The following CRADD variants were observed in gnomAD, a reference collection of about 807,000 sequenced individuals.
CRADD encodes CARD and death domain containing adaptor protein.
Under a neutral mutation model 15.5 loss-of-function variants are expected in CRADD, and 9 were observed. The ratio of observed to expected loss-of-function variants is 0.58; its 90% CI spans 0.35 to 1.01. The LOEUF (loss-of-function observed/expected upper bound fraction) is 1.01, where lower values mean the gene tolerates loss of function less well. Among genes scored for constraint, CRADD ranks in the 50% least tolerant of loss-of-function variants. The probability of loss-of-function intolerance (pLI) is 0.02; values close to 1 mark genes in which losing one functional copy is unlikely to be tolerated. For synonymous variants in CRADD, 118 were observed against 107.6 expected (o/e 1.10, Z -0.60); for missense variants, 227 against 250.3 (o/e 0.91, Z 0.63).
At chr12:93,785,718 T>C (rs536926618) in intron 2 of CRADD, among the ~76,000 whole-genome samples, 1 of 152,290 alleles carries the variant, frequency 6.6e-6, no homozygotes, top group Admixed American at 6.5e-5. Context: ...GGAAGAATGG[T>C]GTTACCCTAC....
intron 2 of CRADD, among the ~76,000 whole-genome samples, chr12:93,838,498 C>T (rs1348203457): frequency 6.6e-6 from 1 of 151,590 alleles, no homozygotes; most frequent in Non-Finnish European, 1.5e-5. Context: ...GACTCTTGAC[C>T]TTCCCTCTCT....
intron 2 of CRADD, among the ~76,000 whole-genome samples, chr12:93,717,286 T>C (rs767829461): frequency 1.3e-5 from 2 of 152,216 alleles, no homozygotes; most frequent in Non-Finnish European, 1.5e-5. Context: ...CTTTATCATA[T>C]GTGTCCTCTG....
intron 2 of CRADD, among the ~76,000 whole-genome samples, chr12:93,768,454 G>T (rs1292518865): frequency 6.7e-6 from 1 of 150,196 alleles, no homozygotes; most frequent in Non-Finnish European, 1.5e-5. Context: ...AGTCCTCAGT[G>T]TTAAAGTTAA....
chr12:93,734,242 C>T (rs1956523971), intron 2 of CRADD, among the ~76,000 whole-genome samples: 1 of 152,104 alleles, frequency 6.6e-6, no homozygotes, highest in Non-Finnish European at 1.5e-5. Flanking sequence ...AGTCAAAGTC[C>T]CTTCCCTCAA....
chr12:93,729,646 G>A (rs146691920), intron 2 of CRADD, among the ~76,000 whole-genome samples: 6 of 152,120 alleles, frequency 3.9e-5, no homozygotes, highest in Admixed American at 1.3e-4. Flanking sequence ...TTACCCTGGC[G>A]TGGTGGTGCA....
chr12:93,679,039 G>T lies in CRADD; in HGVS notation c.265G>T (p.Ala89Ser). 6.2e-7 allele frequency: 1 copy of T among 1,614,100 alleles called. No individual in the cohort carries two copies. The change falls in exon 2 of 3, where the codon GCA becomes TCA. Residue 89 changes from alanine to serine, a missense_variant. Ala to Ser is a moderately conservative substitution (Grantham distance 99). Coordinates refer to ENST00000332896, the MANE Select transcript of CRADD (RefSeq NM_003805.5). Reference sequence around the variant, plus strand: ...CTGGGTCAGGGAGAAGCTGAAGAAGGCAAGGGAAGAGGCCATGACCGACCT... The same window carrying T: ...CTGGGTCAGGGAGAAGCTGAAGAAGTCAAGGGAAGAGGCCATGACCGACCT... ...FPWVREKLKK[A>S]REEAMTDLPA...
intron 2 of CRADD, among the ~76,000 whole-genome samples, chr12:93,785,902 G>A (rs766224669): frequency 2.9e-4 from 44 of 152,174 alleles, no homozygotes; most frequent in Non-Finnish European, 4.6e-4. Flanking sequence ...CTCAGTGATT[G>A]TATCTTACTT....
chr12:93,806,412 A>G (rs942335451), intron 2 of CRADD, among the ~76,000 whole-genome samples: 6 of 137,624 alleles, frequency 4.4e-5, no homozygotes, highest in Admixed American at 1.7e-4. Context: ...AGACTGTGCC[A>G]CTGTACTCTG....
At chr12:93,883,594 G>T (rs952280212) in intron 2 of CRADD, among the ~76,000 whole-genome samples, 1 of 152,046 alleles carries the variant, frequency 6.6e-6, no homozygotes, top group Non-Finnish European at 1.5e-5. Context: ...AAGGTGGGAG[G>T]ATCACTTGAG....
intron 2 of CRADD, among the ~76,000 whole-genome samples, chr12:93,823,520 C>T (rs1351552540): frequency 1.3e-5 from 2 of 152,178 alleles, no homozygotes; most frequent in Non-Finnish European, 2.9e-5. Context: ...TTGGTTGGAT[C>T]AACAGGGTAG....
intron 2 of CRADD, among the ~76,000 whole-genome samples, chr12:93,756,926 C>T (rs1956897298): frequency 6.6e-6 from 1 of 152,146 alleles, no homozygotes; most frequent in Admixed American, 6.5e-5. Flanking sequence ...AGGCTGAACC[C>T]GCCACTGACA....
chr12:93,704,817 C>T (rs907364674), intron 2 of CRADD, among the ~76,000 whole-genome samples: 9 of 152,202 alleles, frequency 5.9e-5, no homozygotes, highest in African/African-American at 2.2e-4. Flanking sequence ...CACAGGCCTC[C>T]TCTGTCACTC....
chr12:93,796,760 C>G (rs1013793045), intron 2 of CRADD, among the ~76,000 whole-genome samples: 6 of 152,100 alleles, frequency 3.9e-5, no homozygotes, highest in African/African-American at 1.4e-4. Flanking sequence ...TTTTCTAAGA[C>G]CCCATGGTTA....
chr12:93,817,947 C>T (rs1182231329), intron 2 of CRADD, among the ~76,000 whole-genome samples: 6 of 152,162 alleles, frequency 3.9e-5, no homozygotes, highest in African/African-American at 1.4e-4. Context: ...AGGCTGCTGG[C>T]CGTGCAGCGG....
chr12:93,742,489 G>T (rs1423191847), intron 2 of CRADD, among the ~76,000 whole-genome samples: 1 of 148,398 alleles, frequency 6.7e-6, no homozygotes, highest in Non-Finnish European at 1.5e-5. Flanking sequence ...CGGGGAGGCG[G>T]CGCCGACTGC....
intron 2 of CRADD, among the ~76,000 whole-genome samples, chr12:93,739,176 C>G (rs148633379): frequency 6.6e-6 from 1 of 152,098 alleles, no homozygotes; most frequent in Non-Finnish European, 1.5e-5. Context: ...ATGGGATGGG[C>G]ACCAGCCCTG....
intron 2 of CRADD, among the ~76,000 whole-genome samples, chr12:93,769,997 C>T (rs371394122): frequency 6.6e-6 from 1 of 152,076 alleles, no homozygotes; most frequent in Non-Finnish European, 1.5e-5. Flanking sequence ...TTAATGTTGT[C>T]CAACTTACCA....
intron 2 of CRADD, chr12:93,859,539 G>A (rs1036632362): frequency 1.8e-5 from 6 of 333,882 alleles, no homozygotes; most frequent in African/African-American, 1.3e-4. Flanking sequence ...CCTTGCAATA[G>A]GGAGAACATT....
intron 2 of CRADD, among the ~76,000 whole-genome samples, chr12:93,721,278 G>A (rs1473924262): frequency 2.0e-5 from 3 of 152,034 alleles, no homozygotes; most frequent in South Asian, 4.2e-4. Flanking sequence ...GAAGTTTGCT[G>A]TATATATTTA....
Sources: allele counts gnomAD v4.1 joint callset (sites outside exome capture counted in the v4.1 genomes callset), GRCh38; gene constraint gnomAD v4.1.1; transcripts MANE v1.5; gene names NCBI Gene and HGNC (gene_info 2026-07-23, HGNC 2026-07-21).